The following UNC13C variants were observed in gnomAD, a reference collection of about 807,000 sequenced individuals.
The protein encoded by UNC13C is unc-13 homolog C, also known as protein unc-13 homolog C.
In UNC13C, 174 loss-of-function variants were observed where a neutral mutation model predicts 245.4. That is an observed-to-expected ratio of 0.71 (90% CI 0.63 to 0.80). The LOEUF (loss-of-function observed/expected upper bound fraction) is 0.80. UNC13C is among the 30% of genes least tolerant of loss of function. The probability of loss-of-function intolerance (pLI) is 0.00; values close to 1 mark genes in which losing one functional copy is unlikely to be tolerated. For missense variants in UNC13C, 2,829 were observed against 2,602.9 expected (o/e 1.09, Z -1.89); for synonymous variants, 992 against 895.1 (o/e 1.11, Z -1.93).
At chr15:54,498,764 AAAT>A (rs1894063955) in intron 20 of UNC13C, among the ~76,000 whole-genome samples, 1 of 152,196 alleles carries the variant, frequency 6.6e-6, no homozygotes, top group Non-Finnish European at 1.5e-5. Flanking sequence ...GAACTAAATG[AAAT>A]CTGTAACATT....
chr15:54,461,368 C>G (rs1306068610), intron 19 of UNC13C, among the ~76,000 whole-genome samples: 4 of 152,020 alleles, frequency 2.6e-5, no homozygotes, highest in African/African-American at 9.7e-5. Context: ...ATTCAAAATC[C>G]AAAACACTAC....
At chr15:54,414,821 A>ATT (rs74851984) in intron 18 of UNC13C, among the ~76,000 whole-genome samples, 161 bp from the exon 19 acceptor site, 1 of 148,470 alleles carries the variant, frequency 6.7e-6, no homozygotes. Flanking sequence ...AGTGTGTAAC[A>ATT]TTTTTTTTTT....
At chr15:54,564,774 T>C (rs1897437577) in intron 29 of UNC13C, among the ~76,000 whole-genome samples, 1 of 152,016 alleles carries the variant, frequency 6.6e-6, no homozygotes, top group South Asian at 2.1e-4. Context: ...CCTCAGAGCC[T>C]CTACCATGTT....
intron 2 of UNC13C, among the ~76,000 whole-genome samples, chr15:54,021,539 C>T (rs539751881): frequency 5.3e-5 from 8 of 152,304 alleles, no homozygotes; most frequent in East Asian, 1.9e-4. Flanking sequence ...TTTTAAAGAC[C>T]GTGTAGTGTT....
At chr15:54,372,178 A>G (rs1445418363) in intron 17 of UNC13C, among the ~76,000 whole-genome samples, 1 of 152,194 alleles carries the variant, frequency 6.6e-6, no homozygotes, top group Admixed American at 6.5e-5. Context: ...CAGTGGATGC[A>G]TATATCAAAA....
chr15:54,459,107 C>T (rs1891695395), intron 19 of UNC13C, among the ~76,000 whole-genome samples: 2 of 152,098 alleles, frequency 1.3e-5, no homozygotes, highest in Admixed American at 6.6e-5. Flanking sequence ...TGAATTCTCT[C>T]AGCATTTGTC....
chr15:54,390,193 A>G (rs912695537), intron 17 of UNC13C, among the ~76,000 whole-genome samples: 13 of 152,182 alleles, frequency 8.5e-5, no homozygotes, highest in Non-Finnish European at 1.5e-4. Flanking sequence ...TAAGTTGAAG[A>G]TATCATTTGT....
At chr15:54,311,305 T>C (rs1391927036) in intron 13 of UNC13C, among the ~76,000 whole-genome samples, 5 of 151,816 alleles carry the variant, frequency 3.3e-5, no homozygotes, top group Non-Finnish European at 5.9e-5. Context: ...CTAAGTATTG[T>C]ATCTTTAATC....
At chr15:54,115,193 A>G (rs1273589536) in intron 2 of UNC13C, among the ~76,000 whole-genome samples, 2 of 152,210 alleles carry the variant, frequency 1.3e-5, no homozygotes, top group East Asian at 3.9e-4. Flanking sequence ...TTTTTAGCTC[A>G]CTGTTATACA....
At chr15:54,081,754 A>G (rs1474971277) in intron 2 of UNC13C, among the ~76,000 whole-genome samples, 4 of 152,048 alleles carry the variant, frequency 2.6e-5, no homozygotes, top group Admixed American at 2.0e-4. Flanking sequence ...TTTCCACTCT[A>G]TGTCTTTTAA....
At chr15:54,164,044 ACT>A (rs947895593) in intron 4 of UNC13C, among the ~76,000 whole-genome samples, 1 of 152,028 alleles carries the variant, frequency 6.6e-6, no homozygotes, top group Non-Finnish European at 1.5e-5. Context: ...AAAAAGGGTA[ACT>A]CTGCAAAATG....
chr15:54,102,163 A>G (rs1191106185), intron 2 of UNC13C, among the ~76,000 whole-genome samples: 1 of 151,660 alleles, frequency 6.6e-6, no homozygotes, highest in Non-Finnish European at 1.5e-5. Flanking sequence ...CCCATAAGTC[A>G]TACAAATAAA....
At chr15:54,108,343 C>T (rs577041367) in intron 2 of UNC13C, among the ~76,000 whole-genome samples, 12 of 152,102 alleles carry the variant, frequency 7.9e-5, no homozygotes, top group Admixed American at 3.9e-4. Flanking sequence ...CCCGCCACCA[C>T]GCCTGGCTAA....
At chr15:53,850,118 A>G in the UNC13C span, among the ~76,000 whole-genome samples, 2 of 151,966 alleles carry the variant, frequency 1.3e-5, no homozygotes, top group Non-Finnish European at 2.9e-5. Context: ...TTTGCTGGAT[A>G]TAGAATTCTA....
At chr15:54,527,712 C>G (rs141516557) in intron 25 of UNC13C, among the ~76,000 whole-genome samples, 1 of 152,062 alleles carries the variant, frequency 6.6e-6, no homozygotes, top group African/African-American at 2.4e-5. Flanking sequence ...GTAAAACCTG[C>G]GGCTACCCAG....
intron 1 of UNC13C, among the ~76,000 whole-genome samples, chr15:53,988,992 C>A (rs942090090): frequency 2.6e-5 from 4 of 151,960 alleles, no homozygotes; most frequent in Non-Finnish European, 5.9e-5. Flanking sequence ...GCTAGATTCC[C>A]CTTGAATATA....
chr15:53,928,052 C>T, the UNC13C span, among the ~76,000 whole-genome samples: 2 of 152,076 alleles, frequency 1.3e-5, no homozygotes, highest in African/African-American at 2.4e-5. Flanking sequence ...GATTTCAGCA[C>T]AGAGATTGCC....
intron 2 of UNC13C, among the ~76,000 whole-genome samples, chr15:54,055,411 T>C (rs1318496995): frequency 2.0e-5 from 3 of 152,172 alleles, no homozygotes; most frequent in Non-Finnish European, 4.4e-5. Flanking sequence ...CTTGAAAAAA[T>C]ATATTTCTTG....
chr15:54,134,049 C>CGTGTGTGT (rs3082223), intron 2 of UNC13C, among the ~76,000 whole-genome samples: 145 of 149,578 alleles, frequency 9.7e-4, no homozygotes, highest in African/African-American at 3.1e-3. Flanking sequence ...TACTGAGTTA[C>CGTGTGTGT]GTGTGTGTGT....
Sources: gnomAD v4.1 joint callset for allele counts (sites outside exome capture counted in the v4.1 genomes callset) on GRCh38, gnomAD v4.1.1 for gene constraint, MANE v1.5 for transcripts, NCBI Gene and HGNC (gene_info 2026-07-23, HGNC 2026-07-21) for gene names.